Variants in LAMA4 observed in about 807,000 individuals in gnomAD.
The protein encoded by LAMA4 is laminin subunit alpha 4.
In LAMA4, 127 loss-of-function variants were observed where a neutral mutation model predicts 207.1. That is an observed-to-expected ratio of 0.61 (90% CI 0.53 to 0.71). LAMA4 has a LOEUF of 0.71. Ranked by LOEUF, LAMA4 falls within the 30% of genes least tolerant of loss-of-function variation. LAMA4 has a pLI of 0.00. For missense variants in LAMA4, 2,093 were observed against 2,246.5 expected (o/e 0.93, Z 1.38); for synonymous variants, 761 against 816.0 (o/e 0.93, Z 1.15).
In LAMA4 at chr6:112,207,100, C is replaced by G. The variant is rs781919095; in HGVS notation, c.343G>C (p.Asp115His). Residue 115 changes from aspartate (D) to histidine (H), a missense_variant, in exon 4 of 39, where the codon GAT becomes CAT. This residue lies in a region of LAMA4 where 1,704 missense variants were observed against 1,788.4 expected (regional missense o/e 0.95). Transcript: ENST00000230538. ...TTGEHCEKCL[D>H]GYIGDSIRGA... The stretch of plus-strand genomic sequence containing the variant: ...CTGATGGAATCTCCGATATAACCAT[C>G]CAGACACTTTTCACAGTGCTCTCCT... 7.4e-6 allele frequency: 12 copies of G among 1,614,016 alleles called. No individual in the cohort carries two copies. The highest frequency in any genetic ancestry group is 9.3e-6 in the Non-Finnish European group (11 of 1,179,956).
rs542111400 is a variant in LAMA4, at chr6:112,142,856, T to A, written c.2494-564A>T. Among the ~76,000 whole-genome samples the A allele has an allele frequency of 2.6e-5, 4 of 152,332 alleles. No individual in the cohort carries two copies. In the South Asian group the frequency reaches 8.3e-4, roughly 32 times the overall value. The stretch of plus-strand genomic sequence containing the variant: ...GTAACCTTGAGCAAGTCACTTAACC[T>A]TCAGTTTCCTCATCTGTGAAATGAG... On this transcript the variant is annotated intron_variant, in intron 19 of 38. Coordinates refer to ENST00000230538, the MANE Select transcript of LAMA4 (RefSeq NM_001105206.3).
chr6:112,139,246 GA>G lies in LAMA4; in HGVS notation c.3155del (p.Phe1052SerfsTer9). The G allele has an allele frequency of 6.2e-7, 1 of 1,614,104 alleles. No homozygotes were observed. Among genetic ancestry groups the G allele is most frequent in the Non-Finnish European group, 8.5e-7 (1 of 1,179,990 alleles). ...FTQSRAASYF[F>X]DGSGYAVVRD... is the part of the protein sequence containing the mutation. Reference sequence around the variant, plus strand: ...TCACCACGGCATAACCGGAGCCATCGAAGAAGTAACTGGCAGCCCGACTCTG... The same window carrying G: ...TCACCACGGCATAACCGGAGCCATCGAGAAGTAACTGGCAGCCCGACTCTG... On this transcript the variant is annotated frameshift_variant, in exon 24 of 39. Coordinates refer to ENST00000230538, the MANE Select transcript of LAMA4 (RefSeq NM_001105206.3). LOFTEE classifies it high-confidence loss of function.
chr6:112,148,726 A>T (rs1554335149), intron 17 of LAMA4, among the ~76,000 whole-genome samples: 1 of 152,074 alleles, frequency 6.6e-6, no homozygotes, highest in Non-Finnish European at 1.5e-5. Flanking sequence ...ATAGAAAAAA[A>T]GCAAATTTCA....
intron 9 of LAMA4, chr6:112,179,937 G>A (rs1209083745): frequency 1.9e-6 from 1 of 532,460 alleles, no homozygotes; most frequent in Non-Finnish European, 3.9e-6. Context: ...CTTCTTCTTG[G>A]CTTGTTCCAG....
At chr6:112,216,342 G>C (rs782648503) in intron 3 of LAMA4, 26 bp downstream of exon 3, 14 of 1,427,814 alleles carry the variant, frequency 9.8e-6, no homozygotes, top group Middle Eastern at 1.7e-4. Flanking sequence ...TGAAGTACGT[G>C]AAGTGTTATA....
In LAMA4 at chr6:112,207,636, T is replaced by A. The variant is rs868940307; in HGVS notation, c.298-491A>T. 2.6e-5 allele frequency among the ~76,000 whole-genome samples: 4 copies of A among 151,466 alleles called. No homozygotes were observed. The Middle Eastern group carries it at 0.01, about 386-fold the overall frequency. On this transcript the variant is annotated intron_variant, in intron 3 of 38. Coordinates refer to ENST00000230538, the MANE Select transcript of LAMA4 (RefSeq NM_001105206.3). ...AAAATGTGTCAGACTGTAGTATAAA[T>A]GGAGTAGAAGGTAGATAAAGAGCAT...
intron 10 of LAMA4, among the ~76,000 whole-genome samples, chr6:112,177,660 T>G (rs542117763): frequency 6.6e-6 from 1 of 152,228 alleles, no homozygotes; most frequent in Non-Finnish European, 1.5e-5. Flanking sequence ...TTCTTCTGGG[T>G]TGGGGCCCAA....
rs370823721 is a variant in LAMA4 at position 112,150,230 on chromosome 6, CACACAG to C, written c.2173+275_2173+280del. Among the ~76,000 whole-genome samples, 369 of 137,684 alleles carry C rather than the reference CACACAG, an allele frequency of 2.7e-3. 3 individuals are homozygous for C. Among genetic ancestry groups the C allele is most frequent in the African/African-American group, 9.7e-3 (340 of 34,990 alleles). The allele number at this position is 137,684 out of a possible 152,430, so 90.3% of individuals were successfully genotyped here. A position where few individuals can be genotyped will look rare whatever the true frequency, so the allele number is the denominator to read the frequency against. On this transcript the variant is annotated intron_variant, in intron 17 of 38. Transcript: ENST00000230538. ...ACACACACACACACACACACACACA[CACACAG>C]ACACACACAGACACACACACACAGA... is the stretch of plus-strand genomic sequence containing the variant.
In LAMA4 at chr6:112,148,180, G is replaced by T. The variant is rs1554334950; in HGVS notation, c.2330C>A (p.Ala777Glu). 14 of 1,614,092 alleles carry T rather than the reference G, an allele frequency of 8.7e-6. No homozygotes were observed. The highest frequency in any genetic ancestry group is 1.2e-5 in the Non-Finnish European group (14 of 1,179,928). The change falls in exon 18 of 39, where the codon GCA becomes GAA. Residue 777 changes from alanine to glutamate, a missense_variant. Around this residue, in one of 3 missense-constraint regions of LAMA4, gnomAD observed 1,704 missense variants for 1,788.4 expected, o/e 0.95. Coordinates refer to ENST00000230538, the MANE Select transcript of LAMA4 (RefSeq NM_001105206.3). ...ACCTGCATCCCTAGCAGAGTTCACT[G>T]CAGTGTTGTAAGCAGAAGAGTCAAA... ...QHFDSSAYNT[A>E]VNSARDAVRN...
At chr6:112,246,164 T>G (rs1299166861) in intron 2 of LAMA4, among the ~76,000 whole-genome samples, 1 of 152,174 alleles carries the variant, frequency 6.6e-6, no homozygotes, top group Admixed American at 6.5e-5. Context: ...AGAAAAACAG[T>G]TGAAAAAAGA....
At chr6:112,183,950 C>CAAAAAAAAAA (rs782424211) in intron 9 of LAMA4, among the ~76,000 whole-genome samples, 10 of 81,686 alleles carry the variant, frequency 1.2e-4, no homozygotes, top group Non-Finnish European at 2.2e-4. Flanking sequence ...GACTCCATCT[C>CAAAAAAAAAA]AAAAAAAAAA....
At chr6:112,139,686 A>G (rs1779569562) in intron 23 of LAMA4, 66 bp downstream of exon 23, 3 of 1,580,326 alleles carry the variant, frequency 1.9e-6, no homozygotes, top group East Asian at 2.2e-5. Context: ...ATATTGACTC[A>G]TACTTGTTCT....
chr6:112,158,941 G>C, intron 13 of LAMA4, 61 bp from the exon 14 acceptor site: 1 of 1,152,920 alleles, frequency 8.7e-7, no homozygotes, highest in Non-Finnish European at 1.3e-6. Context: ...ATTTTTCCTA[G>C]GCACCAAAAG....
chr6:112,148,115 A>G (rs372506380), intron 18 of LAMA4, 42 bp downstream of exon 18: 8 of 1,581,278 alleles, frequency 5.1e-6, no homozygotes, highest in African/African-American at 1.3e-5. Flanking sequence ...TTAATGGCCA[A>G]TTCCTTAATT....
At chr6:112,244,075 T>G (rs1786729131) in intron 2 of LAMA4, among the ~76,000 whole-genome samples, 1 of 151,854 alleles carries the variant, frequency 6.6e-6, no homozygotes, top group Admixed American at 6.6e-5. Flanking sequence ...ATAAACAAAA[T>G]AAAGCTAGGA....
intron 9 of LAMA4, among the ~76,000 whole-genome samples, chr6:112,181,608 C>CT (rs1554345287): frequency 1.3e-5 from 2 of 152,192 alleles, no homozygotes; most frequent in Non-Finnish European, 1.5e-5. Flanking sequence ...CTCACCTTCT[C>CT]TGAGAAGCCT....
chr6:112,138,085 A>G (rs1446003266), intron 24 of LAMA4, among the ~76,000 whole-genome samples: 3 of 152,154 alleles, frequency 2.0e-5, no homozygotes, highest in Non-Finnish European at 4.4e-5. Context: ...CTCTCCTATC[A>G]GCTCTATTAA....
chr6:112,202,973 A>G (rs1414572159), intron 4 of LAMA4, among the ~76,000 whole-genome samples: 5 of 152,142 alleles, frequency 3.3e-5, no homozygotes, highest in African/African-American at 4.8e-5. Flanking sequence ...CGATTTCCAT[A>G]GCTACTGGTA....
intron 16 of LAMA4, among the ~76,000 whole-genome samples, chr6:112,150,851 C>T (rs1162576438): frequency 6.6e-6 from 1 of 152,096 alleles, no homozygotes; most frequent in Non-Finnish European, 1.5e-5. Context: ...ACTTAGGATG[C>T]CATCATGGTT....
Sources: allele counts gnomAD v4.1 joint callset (sites outside exome capture counted in the v4.1 genomes callset), GRCh38; gene constraint gnomAD v4.1.1; regional missense constraint gnomAD v4.1.1; transcripts MANE v1.5; gene names NCBI Gene and HGNC (gene_info 2026-07-23, HGNC 2026-07-21).